FRMPD4: variants seen among roughly 807,000 people sequenced by gnomAD.
FRMPD4 encodes the protein FERM and PDZ domain containing 4.
A neutral mutation model predicts 94.1 loss-of-function variants in FRMPD4; 22 were observed. That is an observed-to-expected ratio of 0.23 (90% CI 0.17 to 0.33). FRMPD4 has a LOEUF of 0.33. Ranked by LOEUF, FRMPD4 falls within the 10% of genes least tolerant of loss-of-function variation. The pLI, the probability that FRMPD4 is intolerant of heterozygous loss-of-function variation, is 1.00. For synonymous variants in FRMPD4, 631 were observed against 548.6 expected, an observed-to-expected ratio of 1.15 and a Z score of -2.10; for missense variants, 1,111 against 1,339.9, an observed-to-expected ratio of 0.83 and a Z score of 2.67.
At chrX:11,863,962 T>A (rs1216227894) in intron 1 of FRMPD4, among the ~76,000 whole-genome samples, 2 of 111,995 alleles carry the variant, frequency 1.8e-5, no homozygotes, top group Admixed American at 1.9e-4. Context: ...GAAGCTTGTA[T>A]GTTGTTTGCC....
intron 1 of FRMPD4, among the ~76,000 whole-genome samples, chrX:12,385,246 A>G (rs917475610): frequency 7.1e-5 from 8 of 112,874 alleles, no homozygotes; most frequent in Non-Finnish European, 1.1e-4. Flanking sequence ...ATCAGCTAAC[A>G]TCTATTGGTT....
chrX:12,063,954 A>G (rs1402320245), intron 3 of FRMPD4, among the ~76,000 whole-genome samples: 1 of 112,644 alleles, frequency 8.9e-6, no homozygotes, highest in Non-Finnish European at 1.9e-5. Context: ...TTTGATAAAG[A>G]CATCTAAATT....
At chrX:12,664,130 C>T (rs911622045) in intron 4 of FRMPD4, among the ~76,000 whole-genome samples, 1 of 112,100 alleles carries the variant, frequency 8.9e-6, no homozygotes, top group African/African-American at 3.2e-5. Flanking sequence ...TCTAAATATA[C>T]ATTTATGTCA....
intron 1 of FRMPD4, among the ~76,000 whole-genome samples, chrX:12,151,635 G>A (rs145788700): frequency 0.05 from 5,620 of 111,603 alleles, 215 homozygotes; most frequent in African/African-American, 0.13. Context: ...CAATGAGATC[G>A]TTAGCCTTCT....
chrX:12,111,199 A>G (rs1026074122), intron 3 of FRMPD4, among the ~76,000 whole-genome samples: 2 of 112,083 alleles, frequency 1.8e-5, no homozygotes, highest in African/African-American at 6.5e-5. Context: ...CCAAAACAGC[A>G]TGGTACTGGT....
intron 3 of FRMPD4, among the ~76,000 whole-genome samples, chrX:12,093,602 CAAA>C (rs11301557): frequency 3.3e-5 from 2 of 61,420 alleles, no homozygotes; most frequent in African/African-American, 6.0e-5. Context: ...AAAACCAAGA[CAAA>C]AAAAAAAAAA....
chrX:12,646,969 AACTGGGAGCCCCAGCTCCTTCT>A (rs2059553490), intron 4 of FRMPD4, among the ~76,000 whole-genome samples: 1 of 112,033 alleles, frequency 8.9e-6, no homozygotes, highest in Non-Finnish European at 1.9e-5. Flanking sequence ...CCCTAGGAAC[AACTGGGAGCCCCAGCTCCTTCT>A]GGCTCCAGGA....
At chrX:12,621,970 G>GAAAGAAAGAAAGAAAGAAAGA (rs2059295595) in intron 4 of FRMPD4, among the ~76,000 whole-genome samples, 1 of 17,931 alleles carries the variant, frequency 5.6e-5, no homozygotes, top group Non-Finnish European at 9.3e-5. Flanking sequence ...GAAAGAAAGA[G>GAAAGAAAGAAAGAAAGAAAGA]AAAGAAAGAA....
intron 1 of FRMPD4, among the ~76,000 whole-genome samples, chrX:12,496,295 A>T (rs1453033503): frequency 1.8e-5 from 2 of 111,925 alleles, no homozygotes; most frequent in Non-Finnish European, 3.8e-5. Flanking sequence ...TTTTTGGCTA[A>T]ATCTGGCAAC....
intron 3 of FRMPD4, among the ~76,000 whole-genome samples, chrX:11,964,596 C>A (rs1041171009): frequency 2.7e-5 from 3 of 111,714 alleles, no homozygotes; most frequent in Non-Finnish European, 5.6e-5. Flanking sequence ...ATCTCTAGAC[C>A]CTTAAGGAGA....
intron 1 of FRMPD4, among the ~76,000 whole-genome samples, chrX:11,825,307 CTA>C (rs1479916057): frequency 9.3e-6 from 1 of 107,309 alleles, no homozygotes; most frequent in African/African-American, 3.4e-5. Context: ...TGAACTCTCT[CTA>C]TACATTTAAA....
intron 1 of FRMPD4, among the ~76,000 whole-genome samples, chrX:12,333,006 C>T (rs1365858549): frequency 8.9e-6 from 1 of 111,796 alleles, no homozygotes; most frequent in Non-Finnish European, 1.9e-5. Context: ...GGTTTCCCAT[C>T]GTACTAAGGC....
intron 3 of FRMPD4, among the ~76,000 whole-genome samples, chrX:12,117,454 G>A (rs1487879942): frequency 1.8e-5 from 2 of 110,729 alleles, no homozygotes; most frequent in Non-Finnish European, 3.8e-5. Flanking sequence ...CCACCATTGT[G>A]TATATGTCTG....
intron 1 of FRMPD4, among the ~76,000 whole-genome samples, chrX:12,257,395 C>T (rs2054129539): frequency 8.9e-6 from 1 of 112,071 alleles, no homozygotes. Flanking sequence ...CACAAACATA[C>T]AGGTGTACTT....
chrX:12,071,289 C>T (rs1352800061), intron 3 of FRMPD4, among the ~76,000 whole-genome samples: 1 of 110,388 alleles, frequency 9.1e-6, no homozygotes, highest in Non-Finnish European at 1.9e-5. Flanking sequence ...ACCTCCCTCC[C>T]TCCTTGCCTA....
intron 2 of FRMPD4, among the ~76,000 whole-genome samples, chrX:12,560,477 GAAA>G (rs199808235): frequency 0.016 from 1,328 of 82,804 alleles, 23 homozygotes; most frequent in African/African-American, 0.053. Flanking sequence ...CTTTAAAAAT[GAAA>G]AAAAAAAAAA....
intron 1 of FRMPD4, among the ~76,000 whole-genome samples, chrX:12,414,076 T>G (rs892613711): frequency 1.8e-5 from 2 of 112,905 alleles, no homozygotes; most frequent in African/African-American, 6.4e-5. Flanking sequence ...TTATATATCT[T>G]GGCTAAATGA....
chrX:12,508,291 T>C (rs1239422386), intron 2 of FRMPD4, among the ~76,000 whole-genome samples: 1 of 103,384 alleles, frequency 9.7e-6, no homozygotes, highest in Admixed American at 1.0e-4. Flanking sequence ...TTTTTTTTTT[T>C]AAGCTCAACA....
intron 1 of FRMPD4, among the ~76,000 whole-genome samples, chrX:12,289,677 G>C (rs781311025): frequency 2.2e-4 from 24 of 111,496 alleles, no homozygotes; most frequent in African/African-American, 7.5e-4. Context: ...GTAAGGGGCT[G>C]TTTCTGACCC....
Sources: allele counts gnomAD v4.1 joint callset (sites outside exome capture counted in the v4.1 genomes callset), GRCh38; gene constraint gnomAD v4.1.1; transcripts MANE v1.5; gene names NCBI Gene and HGNC (gene_info 2026-07-23, HGNC 2026-07-21).